ANK1: variants seen among roughly 807,000 people sequenced by gnomAD.
ANK1 encodes ankyrin-1.
In ANK1, 51 loss-of-function variants were observed where a neutral mutation model predicts 210.4. That is an observed-to-expected ratio of 0.24 (90% CI 0.19 to 0.31). ANK1 has a LOEUF of 0.31. ANK1 is among the 10% of genes least tolerant of loss of function. The pLI, the probability that ANK1 is intolerant of heterozygous loss-of-function variation, is 1.00. For missense variants in ANK1, 2,051 were observed against 2,504.4 expected, an observed-to-expected ratio of 0.82 and a Z score of 3.86; for synonymous variants, 967 against 1,025.9, an observed-to-expected ratio of 0.94 and a Z score of 1.10.
At chr8:41,859,841 G>A (rs989774619) in intron 1 of ANK1, among the ~76,000 whole-genome samples, 13 of 152,230 alleles carry the variant, frequency 8.5e-5, no homozygotes, top group South Asian at 4.1e-4. Context: ...CAGGCTGGCC[G>A]CAGCAACAAC....
intron 5 of ANK1, among the ~76,000 whole-genome samples, chr8:41,726,576 G>A (rs1035829960): frequency 1.1e-4 from 17 of 151,992 alleles, no homozygotes; most frequent in African/African-American, 2.9e-4. Context: ...CTGTAGAGAC[G>A]GGGTCTTGCT....
At chr8:41,699,116 G>T (rs1275409399) in intron 23 of ANK1, among the ~76,000 whole-genome samples, 1 of 152,134 alleles carries the variant, frequency 6.6e-6, no homozygotes, top group Non-Finnish European at 1.5e-5. Context: ...TCAACTTTTG[G>T]ATGAGAAGTT....
rs1278030909 is a variant in ANK1, at chr8:41,653,531, G to C, written c.*2259C>G. Reference sequence around the variant, plus strand: ...GCCGGAGCAGAGGTGCCAAAGCGGAGTCTGGAGCTGCGGGGTCCGCGGGGG... The same window carrying C: ...GCCGGAGCAGAGGTGCCAAAGCGGACTCTGGAGCTGCGGGGTCCGCGGGGG... On this transcript the variant is annotated 3_prime_UTR_variant, in exon 43 of 43. Coordinates refer to ENST00000289734, the MANE Select transcript of ANK1 (RefSeq NM_000037.4). 1 of 153,282 alleles carries C rather than the reference G, an allele frequency of 6.5e-6. No homozygotes were observed. The highest frequency in any genetic ancestry group is 1.5e-5 in the Non-Finnish European group (1 of 68,536). The allele number at this position is 153,282 out of a possible 1,614,324, so 9.5% of individuals were successfully genotyped here.
At chr8:41,837,701 A>G (rs886269561) in intron 1 of ANK1, among the ~76,000 whole-genome samples, 18 of 152,104 alleles carry the variant, frequency 1.2e-4, no homozygotes, top group African/African-American at 4.3e-4. Flanking sequence ...GTGAAACCCC[A>G]TGTCTACTAA....
chr8:41,663,872 C>T (rs1276223413), intron 39 of ANK1, 130 bp from the exon 40 acceptor site: 14 of 784,994 alleles, frequency 1.8e-5, no homozygotes, highest in South Asian at 2.9e-5. Flanking sequence ...GCAGGAAACC[C>T]GGCTCAGCAT....
Position 41,797,143 on chromosome 8 carries a change from G to A in ANK1, c.27+369C>T, listed in dbSNP as rs921439291. Reference sequence around the variant, plus strand: ...GCCTGTAATAACACACCTACAAAACGCAGTTTAGCAGACTCAAAGGAAAGC... The same window carrying A: ...GCCTGTAATAACACACCTACAAAACACAGTTTAGCAGACTCAAAGGAAAGC... On this transcript the variant is annotated intron_variant, in intron 1 of 42. Transcript: ENST00000289734. The surrounding 1 kb of genome is among the most constrained non-coding windows in gnomAD (Gnocchi z 4.0). Among the ~76,000 whole-genome samples, 6 of 152,116 alleles carry A rather than the reference G, an allele frequency of 3.9e-5. No homozygotes were observed. Among genetic ancestry groups the A allele is most frequent in the Admixed American group, 6.6e-5 (1 of 15,262 alleles).
chr8:41,814,804 G>A lies in ANK1; in HGVS notation c.127-56667C>T, dbSNP rs536927552. 2.8e-3 allele frequency among the ~76,000 whole-genome samples: 418 copies of A among 151,466 alleles called. 1 individual carries two copies. The highest frequency in any genetic ancestry group is 9.8e-3 in the African/African-American group (404 of 41,248). On this transcript the variant is annotated intron_variant, in intron 1 of 42. Transcript: ENST00000265709. ...AACTAGAATCATGACTGATTTATCGGAACTTAGCAGATTTCTAGGAATTGC... is the reference window on the plus strand; with the variant it reads ...AACTAGAATCATGACTGATTTATCGAAACTTAGCAGATTTCTAGGAATTGC...
intron 33 of ANK1, among the ~76,000 whole-genome samples, 183 bp from the exon 34 acceptor site, chr8:41,688,772 C>G (rs1157687131): frequency 4.6e-5 from 7 of 152,146 alleles, no homozygotes; most frequent in Non-Finnish European, 8.8e-5. Flanking sequence ...TGAAGGGAAG[C>G]TGAAGAAGCG....
chr8:41,755,033 T>C (rs487320), intron 2 of ANK1, among the ~76,000 whole-genome samples: 125,533 of 152,248 alleles, frequency 0.82, 52,238 homozygotes, highest in East Asian at 0.88. Flanking sequence ...TCATAACTTG[T>C]GGCAGTGTCC....
At position 41,812,926 on chromosome 8, in the gene ANK1, T is replaced by C. The variant is rs75729364; in HGVS notation, c.127-54789A>G. Among the ~76,000 whole-genome samples the C allele has an allele frequency of 1.0e-3, 159 of 152,316 alleles. 1 individual carries two copies. The East Asian group carries it at 0.029, about 28-fold the overall frequency. ...GCTTCCTGGCTCATTGCTCACTTCC[T>C]GCTGTGCGGCCTGGTTCCTAACAGG... On this transcript the variant is annotated intron_variant, in intron 1 of 42. Coordinates refer to the ANK1 transcript ENST00000265709.
chr8:41,896,606 C>T (rs1485959550), exon 1 of ANK1: 22 of 1,265,256 alleles, frequency 1.7e-5, no homozygotes, highest in Non-Finnish European at 2.0e-5. Context: ...CGTGGCGCCC[C>T]GAGGGCCGGC....
Position 41,684,618 on chromosome 8 carries a change from C to A in ANK1, c.4463G>T (p.Arg1488Leu), listed in dbSNP as rs763866388. 6.2e-7 allele frequency: 1 copy of A among 1,613,772 alleles called. No homozygotes were observed. Among genetic ancestry groups the A allele is most frequent in the South Asian group, 1.1e-5 (1 of 91,080 alleles). Residue 1488 changes from arginine to leucine, a missense_variant, in exon 37 of 43, where the codon CGA becomes CTA. Arg to Leu is a moderately radical substitution (Grantham distance 102, BLOSUM62 -2). Coordinates refer to ENST00000289734, the MANE Select transcript of ANK1 (RefSeq NM_000037.4). ...EIVNMLEGSGRQSRNLKPDRR... is the reference protein window; with the variant it reads ...EIVNMLEGSGLQSRNLKPDRR... ...GTCTGGCTTCAAGTTGCGGCTCTGT[C>A]GGCCGGAACCCTCCAGCATGTTCAC...
At chr8:41,715,193 C>A in intron 14 of ANK1, 119 bp from the exon 15 acceptor site, 1 of 949,956 alleles carries the variant, frequency 1.1e-6, no homozygotes, top group Admixed American at 2.2e-5. Context: ...AAAGCAAAGG[C>A]ACAGCCATTT....
chr8:41,698,266 C>T, intron 23 of ANK1, 145 bp from the exon 24 acceptor site: 2 of 786,820 alleles, frequency 2.5e-6, no homozygotes, highest in South Asian at 2.9e-5. Flanking sequence ...ACCGCCTCCT[C>T]CTCCATGAAG....
chr8:41,894,409 G>C (rs1820042992), intron 1 of ANK1, among the ~76,000 whole-genome samples: 1 of 151,870 alleles, frequency 6.6e-6, no homozygotes, highest in Non-Finnish European at 1.5e-5. Context: ...AAGAAATGAG[G>C]TTTACTACAA....
intron 39 of ANK1, chr8:41,663,965 C>G: frequency 3.1e-6 from 2 of 643,418 alleles, no homozygotes; most frequent in South Asian, 1.6e-5. Flanking sequence ...CGGTCGAGCT[C>G]ACAATTGTGC....
At position 41,797,362 on chromosome 8, in the gene ANK1, G is replaced by C; in HGVS notation, c.27+150C>G. On this transcript the variant is annotated intron_variant, in intron 1 of 42. Coordinates refer to ENST00000289734, the MANE Select transcript of ANK1 (RefSeq NM_000037.4). The surrounding 1 kb of genome is among the most constrained non-coding windows in gnomAD (Gnocchi z 4.0). The stretch of plus-strand genomic sequence containing the variant: ...TGCTGCCTTCAGCTACAAGGTCGAT[G>C]TGCCGCTATGCTAAGGCAGGGAGCC... 1.5e-6 allele frequency: 1 copy of C among 674,690 alleles called. No homozygotes were observed. 41.8% of individuals were successfully genotyped at this position (674,690 alleles called of 1,614,324 possible). A position where few individuals can be genotyped will look rare whatever the true frequency, so the allele number is the denominator to read the frequency against.
chr8:41,792,267 C>T (rs1293657435), intron 1 of ANK1, among the ~76,000 whole-genome samples: 1 of 152,202 alleles, frequency 6.6e-6, no homozygotes, highest in East Asian at 1.9e-4. Flanking sequence ...TGATGACAAA[C>T]GCCACACTTG....
At chr8:41,873,448 A>C (rs1489153306) in intron 1 of ANK1, among the ~76,000 whole-genome samples, 2 of 152,238 alleles carry the variant, frequency 1.3e-5, no homozygotes, top group African/African-American at 4.8e-5. Context: ...CCTCACAATA[A>C]GCCTCCAAGT....
Sources: allele counts gnomAD v4.1 joint callset (sites outside exome capture counted in the v4.1 genomes callset), GRCh38; gene constraint gnomAD v4.1.1; non-coding constraint Gnocchi (gnomAD v3.1); transcripts MANE v1.5; gene names NCBI Gene and HGNC (gene_info 2026-07-23, HGNC 2026-07-21).